The following PRKCQ variants were observed in gnomAD, a reference collection of about 807,000 sequenced individuals.
PRKCQ encodes the protein protein kinase C theta type.
Under a neutral mutation model 91.2 loss-of-function variants are expected in PRKCQ, and 41 were observed. The observed-to-expected ratio is 0.45, with a 90% CI of 0.35 to 0.58. PRKCQ has a LOEUF of 0.58. Among genes scored for constraint, PRKCQ ranks in the 20% least tolerant of loss-of-function variants. The pLI, the probability that PRKCQ is intolerant of heterozygous loss-of-function variation, is 0.00. For synonymous variants in PRKCQ, 307 were observed against 316.9 expected (o/e 0.97, Z 0.33); for missense variants, 673 against 896.5 (o/e 0.75, Z 3.18).
chr10:6,437,146 G>A (rs1833735809), intron 16 of PRKCQ, among the ~76,000 whole-genome samples: 1 of 152,162 alleles, frequency 6.6e-6, no homozygotes, highest in South Asian at 2.1e-4. Flanking sequence ...CCCAGGCTTT[G>A]CAGTGCAGCC....
chr10:6,566,390 G>C (rs1179379575), intron 1 of PRKCQ, among the ~76,000 whole-genome samples: 2 of 152,148 alleles, frequency 1.3e-5, no homozygotes, highest in Non-Finnish European at 2.9e-5. Flanking sequence ...CAGCTGTCCA[G>C]GTGAAATCCT....
At position 6,515,223 on chromosome 10, in the gene PRKCQ, G is replaced by A. The variant is rs896991141; in HGVS notation, c.-9-79C>T. On this transcript the variant is annotated intron_variant, in intron 1 of 17. Coordinates refer to ENST00000263125, the MANE Select transcript of PRKCQ (RefSeq NM_006257.5). ...TTGGTGCCCCATGTCTACTTAACCAGTGCTTTATCATGGACAGCCAGAACC... is the reference window on the plus strand; with the variant it reads ...TTGGTGCCCCATGTCTACTTAACCAATGCTTTATCATGGACAGCCAGAACC... 2.5e-6 allele frequency: 4 copies of A among 1,595,038 alleles called. No individual in the cohort carries two copies. The African/African-American group carries it at 4.0e-5, about 16-fold the overall frequency.
chr10:6,498,550 C>T lies in PRKCQ; in HGVS notation c.388G>A (p.Asp130Asn). The T allele has an allele frequency of 6.2e-7, 1 of 1,613,938 alleles. No homozygotes were observed. The highest frequency in any genetic ancestry group is 8.5e-7 in the Non-Finnish European group (1 of 1,179,940). The change falls in exon 5 of 18, where the codon GAC becomes AAC. Residue 130 changes from aspartate (D) to asparagine (N), a missense_variant. Asp to Asn is a conservative substitution (Grantham distance 23, BLOSUM62 1). Coordinates refer to ENST00000263125, the MANE Select transcript of PRKCQ (RefSeq NM_006257.5). ...CCTTCCGTCTCAAATTCATTCATGT[C>T]CTTTGTGTCTACAGGAAGAGAGAGG... ...RYFLEMSDTK[D>N]MNEFETEGFF...
chr10:6,418,378 GA>G, the PRKCQ span, among the ~76,000 whole-genome samples: 1 of 152,220 alleles, frequency 6.6e-6, no homozygotes, highest in African/African-American at 2.4e-5. Flanking sequence ...CTTCATGGCA[GA>G]GATCAGTCTG....
At chr10:6,507,829 C>T (rs916528077) in intron 3 of PRKCQ, among the ~76,000 whole-genome samples, 8 of 152,326 alleles carry the variant, frequency 5.3e-5, no homozygotes, top group African/African-American at 1.9e-4. Flanking sequence ...CCCAGATCTT[C>T]ATCATGACAA....
chr10:6,469,401 G>C (rs370849068), intron 12 of PRKCQ, among the ~76,000 whole-genome samples: 1 of 152,134 alleles, frequency 6.6e-6, no homozygotes, highest in African/African-American at 2.4e-5. Flanking sequence ...GGCTGTTTAG[G>C]TATGGAATTC....
chr10:6,411,544 T>C, the PRKCQ span, among the ~76,000 whole-genome samples: 19 of 152,240 alleles, frequency 1.2e-4, no homozygotes, highest in African/African-American at 4.3e-4. Context: ...ACTGACTTCC[T>C]GATTTTGTCT....
intron 1 of PRKCQ, among the ~76,000 whole-genome samples, chr10:6,523,939 C>T (rs183796112): frequency 1.5e-4 from 23 of 152,228 alleles, no homozygotes; most frequent in African/African-American, 5.5e-4. Context: ...TATTAAAAAG[C>T]CTCCGTTTAT....
intron 1 of PRKCQ, among the ~76,000 whole-genome samples, chr10:6,552,935 C>T (rs112886700): frequency 5.3e-5 from 8 of 151,836 alleles, no homozygotes; most frequent in African/African-American, 1.5e-4. Context: ...TCATGTAATA[C>T]GTGAAGACAA....
At chr10:6,448,875 G>A (rs1256719809) in intron 15 of PRKCQ, among the ~76,000 whole-genome samples, 5 of 148,824 alleles carry the variant, frequency 3.4e-5, no homozygotes, top group African/African-American at 1.3e-4. Flanking sequence ...TGAGGGTCCT[G>A]TTTGTTAGAA....
intron 15 of PRKCQ, among the ~76,000 whole-genome samples, chr10:6,444,860 C>A (rs1220442086): frequency 2.0e-5 from 3 of 151,960 alleles, no homozygotes; most frequent in Admixed American, 1.3e-4. Context: ...CACCACAATT[C>A]CAGCCATTCT....
rs1290005708 is a variant in PRKCQ at position 6,497,850 on chromosome 10, C to T, written c.542+546G>A. 6.6e-6 allele frequency among the ~76,000 whole-genome samples: 1 copy of T among 152,060 alleles called. No homozygotes were observed. The highest frequency in any genetic ancestry group is 1.5e-5 in the Non-Finnish European group (1 of 68,008). ...GCAGTAGCCTAAAGGGAAGAGTATC[C>T]CTTAATAGGCTAGGATGCTGAGAGC... On this transcript the variant is annotated intron_variant, in intron 5 of 17. Coordinates refer to ENST00000263125, the MANE Select transcript of PRKCQ (RefSeq NM_006257.5). This position sits in a 1 kb window ranked among gnomAD's most constrained non-coding sequence, Gnocchi z 4.5.
intron 1 of PRKCQ, among the ~76,000 whole-genome samples, chr10:6,577,609 A>G (rs1157688357): frequency 2.0e-5 from 3 of 152,208 alleles, no homozygotes; most frequent in Non-Finnish European, 1.5e-5. Flanking sequence ...ATAACAATAT[A>G]TCATTTTAAA....
intron 16 of PRKCQ, among the ~76,000 whole-genome samples, chr10:6,433,148 A>G (rs1165349039): frequency 6.6e-6 from 1 of 152,164 alleles, no homozygotes; most frequent in African/African-American, 2.4e-5. Flanking sequence ...TGCCTCAGTG[A>G]TTTTCAAACA....
At chr10:6,516,168 A>G (rs1193245212) in intron 1 of PRKCQ, among the ~76,000 whole-genome samples, 1 of 152,234 alleles carries the variant, frequency 6.6e-6, no homozygotes, top group African/African-American at 2.4e-5. Context: ...AATAATAAAG[A>G]CCTGGAAGGA....
chr10:6,395,266 G>A, the PRKCQ span, among the ~76,000 whole-genome samples: 5 of 151,894 alleles, frequency 3.3e-5, no homozygotes, highest in South Asian at 8.3e-4. Flanking sequence ...GGTTTTCACC[G>A]TGTTAGCCAG....
intron 15 of PRKCQ, among the ~76,000 whole-genome samples, chr10:6,445,121 C>CAA (rs61291267): frequency 0.16 from 16,881 of 102,690 alleles, 2,404 homozygotes; most frequent in East Asian, 0.21. Flanking sequence ...AAGACTCTGT[C>CAA]AAAAAAAAAA....
Position 6,454,666 on chromosome 10 carries a change from G to A in PRKCQ, c.1647+2008C>T, listed in dbSNP as rs1834911472. 2.0e-5 allele frequency among the ~76,000 whole-genome samples: 3 copies of A among 152,050 alleles called. No homozygotes were observed. The South Asian group carries it at 6.2e-4, about 32-fold the overall frequency. On this transcript the variant is annotated intron_variant, in intron 15 of 17. Transcript: ENST00000263125. Reference sequence around the variant, plus strand: ...AGCAAGTTCAACAGAGAGAGTTTTGGACCTGCTGTCTTTGAAGGACTCATG... The same window carrying A: ...AGCAAGTTCAACAGAGAGAGTTTTGAACCTGCTGTCTTTGAAGGACTCATG...
chr10:6,395,931 A>G, the PRKCQ span, among the ~76,000 whole-genome samples: 1 of 152,280 alleles, frequency 6.6e-6, no homozygotes, highest in Middle Eastern at 3.4e-3. Context: ...GGGTCTGAAT[A>G]CACCATTGTA....
Sources: allele counts gnomAD v4.1 joint callset (sites outside exome capture counted in the v4.1 genomes callset), GRCh38; gene constraint gnomAD v4.1.1; non-coding constraint Gnocchi (gnomAD v3.1); transcripts MANE v1.5; gene names NCBI Gene and HGNC (gene_info 2026-07-23, HGNC 2026-07-21).